RFX6: variants seen among roughly 807,000 people sequenced by gnomAD.
The protein encoded by RFX6 is regulatory factor X6.
RFX6 carries 50 observed loss-of-function variants against 110.8 expected under a neutral mutation model. The observed-to-expected ratio is 0.45, with a 90% CI of 0.36 to 0.57. The LOEUF is 0.57. Among genes scored for constraint, RFX6 ranks in the 20% least tolerant of loss-of-function variants. RFX6 has a pLI of 0.00. For synonymous variants in RFX6, 383 were observed against 411.2 expected, an observed-to-expected ratio of 0.93 and a Z score of 0.83; for missense variants, 990 against 1,127.0, an observed-to-expected ratio of 0.88 and a Z score of 1.74.
intron 10 of RFX6, among the ~76,000 whole-genome samples, 199 bp from the exon 11 acceptor site, chr6:116,918,938 T>A (rs1463987508): frequency 2.0e-5 from 3 of 152,116 alleles, no homozygotes; most frequent in South Asian, 4.1e-4. Flanking sequence ...ATGTACCCCA[T>A]AAATATATAC....
intron 4 of RFX6, among the ~76,000 whole-genome samples, chr6:116,889,519 G>A (rs1774774480): frequency 6.6e-6 from 1 of 151,992 alleles, no homozygotes; most frequent in Admixed American, 6.6e-5. Context: ...GAGATATCAG[G>A]CAAAGCTTCA....
chr6:116,908,669 T>TACACACACACACAC (rs753592440), intron 6 of RFX6, among the ~76,000 whole-genome samples: 3 of 102,294 alleles, frequency 2.9e-5, no homozygotes, highest in African/African-American at 1.0e-4. Context: ...ATTTCTAGCA[T>TACACACACACACAC]ACACACACAC....
At position 116,925,520 on chromosome 6, in the gene RFX6, C is replaced by T. The variant is rs1775696614; in HGVS notation, c.1746C>T (p.Ser582=). The T allele has an allele frequency of 6.2e-7, 1 of 1,614,112 alleles. No individual in the cohort carries two copies. The highest frequency in any genetic ancestry group is 8.5e-7 in the Non-Finnish European group (1 of 1,179,948). Residue 582 remains serine (S), a synonymous_variant, in exon 16 of 19, where the codon AGC becomes AGT. Transcript: ENST00000332958. The part of the protein sequence containing the change: ...SCFLANRNKG[S]MVSSDAVKNE... ...TTCTGGCCAACCGTAATAAAGGGAG[C>T]ATGGTTTCCAGCGACGCTGTGAAGA...
chr6:116,895,645 T>TACACAC (rs146991192), intron 6 of RFX6, among the ~76,000 whole-genome samples: 4,489 of 147,892 alleles, frequency 0.03, 114 homozygotes, highest in East Asian at 0.07. Flanking sequence ...CTACTTTGTG[T>TACACAC]ACACACACAC....
chr6:116,877,418 C>G lies in RFX6; in HGVS notation c.143C>G (p.Ala48Gly), dbSNP rs200522460. The G allele has an allele frequency of 8.1e-6, 13 of 1,600,706 alleles. No homozygotes were observed. In the Admixed American group the frequency reaches 2.2e-4, roughly 27 times the overall value. ...TATCCGGAAGAAACAGTGTACCTGG[C>G]GGCCGAAGGGCAGCCCGGGGGCGAG... Reference protein sequence around the residue: ...LVYPEETVYLAAEGQPGGEQG... With the variant: ...LVYPEETVYLGAEGQPGGEQG... Residue 48 changes from alanine (A) to glycine (G), a missense_variant, in exon 1 of 19, where the codon GCG becomes GGG. Ala to Gly is a moderately conservative substitution (Grantham distance 60). This residue lies in a region of RFX6 where 175 missense variants were observed against 162.3 expected (regional missense o/e 1.08). Transcript: ENST00000332958.
At chr6:116,926,086 G>A (rs1775722450) in intron 16 of RFX6, among the ~76,000 whole-genome samples, 1 of 152,116 alleles carries the variant, frequency 6.6e-6, no homozygotes, top group African/African-American at 2.4e-5. Flanking sequence ...GGAGGCCGAG[G>A]CGAGCAGAGC....
chr6:116,896,582 G>A (rs1774949179), intron 6 of RFX6, among the ~76,000 whole-genome samples: 1 of 66,970 alleles, frequency 1.5e-5, no homozygotes, highest in East Asian at 5.6e-4. Flanking sequence ...ATGTATGCCT[G>A]TAATCCCAGC....
At chr6:116,890,473 CTCTT>C (rs1251846559) in intron 4 of RFX6, among the ~76,000 whole-genome samples, 4 of 152,260 alleles carry the variant, frequency 2.6e-5, no homozygotes, top group Non-Finnish European at 5.9e-5. Context: ...TCCTCTACCT[CTCTT>C]TCAATCCTCA....
chr6:116,905,757 G>A lies in RFX6; in HGVS notation c.673-5178G>A, dbSNP rs372811767. On this transcript the variant is annotated intron_variant, in intron 6 of 18. Coordinates refer to ENST00000332958, the MANE Select transcript of RFX6 (RefSeq NM_173560.4). ...AGTAGAGACAGAGTTTCACCATGTT[G>A]GCCAGGATGTTCTCAATCTCTTGAC... Among the ~76,000 whole-genome samples the A allele has an allele frequency of 1.3e-4, 19 of 151,804 alleles. No homozygotes were observed. In the East Asian group the frequency reaches 3.7e-3, roughly 30 times the overall value.
chr6:116,878,430 A>G (rs1312049050), intron 2 of RFX6, among the ~76,000 whole-genome samples: 4 of 152,174 alleles, frequency 2.6e-5, no homozygotes, highest in Admixed American at 1.3e-4. Flanking sequence ...TAGAAGACAT[A>G]GAAAAAATCG....
chr6:116,889,354 G>C (rs9481679), intron 4 of RFX6, among the ~76,000 whole-genome samples: 9,231 of 152,112 alleles, frequency 0.061, 911 homozygotes, highest in African/African-American at 0.21. Flanking sequence ...TTTTAATGAG[G>C]AATACAGTGA....
chr6:116,917,781 T>C (rs578205107), intron 9 of RFX6, among the ~76,000 whole-genome samples: 1 of 152,196 alleles, frequency 6.6e-6, no homozygotes, highest in South Asian at 2.1e-4. Context: ...CGGTATATGA[T>C]TACCATGGAC....
chr6:116,885,000 A>G (rs1253397171), intron 4 of RFX6: 2 of 152,186 alleles, frequency 1.3e-5, no homozygotes, highest in Non-Finnish European at 1.5e-5. Context: ...TGTAGTTTGT[A>G]TATCTTGTAA....
chr6:116,927,743 CTTT>C (rs60638457), intron 17 of RFX6, among the ~76,000 whole-genome samples: 5 of 119,510 alleles, frequency 4.2e-5, no homozygotes, highest in South Asian at 5.9e-4. Context: ...GCCCTTCTTC[CTTT>C]TTTTTTTTTT....
intron 5 of RFX6, among the ~76,000 whole-genome samples, chr6:116,894,574 T>A (rs900787562): frequency 2.6e-5 from 4 of 152,104 alleles, no homozygotes; most frequent in Admixed American, 2.6e-4. Flanking sequence ...AAAACATGAA[T>A]GAAAATAAAC....
chr6:116,910,706 T>C lies in RFX6; in HGVS notation c.673-229T>C, dbSNP rs544607826. 1.7e-4 allele frequency among the ~76,000 whole-genome samples: 26 copies of C among 152,306 alleles called. No individual in the cohort carries two copies. The South Asian group carries it at 5.0e-3, about 29-fold the overall frequency. ...TATTCAAAACTAAAATTTGAAGTGA[T>C]AGGAAAAATATTCTAACTATGAAAC... On this transcript the variant is annotated intron_variant, in intron 6 of 18. Coordinates refer to ENST00000332958, the MANE Select transcript of RFX6 (RefSeq NM_173560.4).
chr6:116,888,082 A>C (rs541964590), intron 4 of RFX6, among the ~76,000 whole-genome samples: 2 of 152,294 alleles, frequency 1.3e-5, no homozygotes, highest in Non-Finnish European at 2.9e-5. Context: ...TTATCATAGC[A>C]AGTTATTGCA....
chr6:116,883,805 C>A (rs1415528731), intron 4 of RFX6, among the ~76,000 whole-genome samples: 1 of 152,158 alleles, frequency 6.6e-6, no homozygotes, highest in Non-Finnish European at 1.5e-5. Flanking sequence ...CTCATTGCTA[C>A]TTTCATAGCC....
chr6:116,885,075 A>G (rs778727804), intron 4 of RFX6: 2 of 152,200 alleles, frequency 1.3e-5, no homozygotes, highest in Non-Finnish European at 2.9e-5. Flanking sequence ...TCCAAGAAAT[A>G]TCCTTAGCTT....
Sources: allele counts gnomAD v4.1 joint callset (sites outside exome capture counted in the v4.1 genomes callset), GRCh38; gene constraint gnomAD v4.1.1; regional missense constraint gnomAD v4.1.1; transcripts MANE v1.5; gene names NCBI Gene and HGNC (gene_info 2026-07-23, HGNC 2026-07-21).